GABBR2: variants seen among roughly 807,000 people sequenced by gnomAD.
GABBR2 encodes G-protein coupled receptor 51.
GABBR2 carries 23 observed loss-of-function variants against 105.6 expected under a neutral mutation model. That is an observed-to-expected ratio of 0.22 (90% CI 0.16 to 0.31). The LOEUF (loss-of-function observed/expected upper bound fraction) is 0.31, where lower values mean the gene tolerates loss of function less well. GABBR2 is among the 10% of genes least tolerant of loss of function. GABBR2 has a pLI of 1.00. For missense variants in GABBR2, 734 were observed against 1,245.5 expected, an observed-to-expected ratio of 0.59 and a Z score of 6.18; for synonymous variants, 478 against 499.7, an observed-to-expected ratio of 0.96 and a Z score of 0.58.
intron 1 of GABBR2, among the ~76,000 whole-genome samples, chr9:98,623,839 G>A (rs1829700715): frequency 6.6e-6 from 1 of 152,188 alleles, no homozygotes; most frequent in African/African-American, 2.4e-5. Context: ...TATGTAGAAA[G>A]TAAGATAGCC....
intron 4 of GABBR2, among the ~76,000 whole-genome samples, chr9:98,487,140 C>T (rs780888778): frequency 1.3e-5 from 2 of 152,148 alleles, no homozygotes; most frequent in African/African-American, 2.4e-5. Context: ...ATATCTATGT[C>T]GTAAGTTAAA....
At chr9:98,588,136 C>T (rs1829101091) in intron 1 of GABBR2, among the ~76,000 whole-genome samples, 1 of 152,196 alleles carries the variant, frequency 6.6e-6, no homozygotes. Context: ...TTCTCAATCA[C>T]TGAAGTTTCC....
At chr9:98,402,848 C>T (rs1832418347) in intron 8 of GABBR2, among the ~76,000 whole-genome samples, 1 of 152,154 alleles carries the variant, frequency 6.6e-6, no homozygotes, top group South Asian at 2.1e-4. Flanking sequence ...TTCAATAATC[C>T]ATCCTGGTAG....
At chr9:98,449,053 A>G (rs1451117798) in intron 7 of GABBR2, among the ~76,000 whole-genome samples, 1 of 152,240 alleles carries the variant, frequency 6.6e-6, no homozygotes, top group Non-Finnish European at 1.5e-5. Context: ...TGATTAGGAA[A>G]GCCAAATGAA....
intron 2 of GABBR2, among the ~76,000 whole-genome samples, chr9:98,563,580 C>A (rs118175966): frequency 3.3e-5 from 5 of 152,152 alleles, no homozygotes; most frequent in Non-Finnish European, 7.4e-5. Flanking sequence ...GAAGACACCC[C>A]GGATGTGAAG....
intron 17 of GABBR2, among the ~76,000 whole-genome samples, chr9:98,297,294 T>C (rs1465034132): frequency 6.6e-6 from 1 of 152,240 alleles, no homozygotes; most frequent in East Asian, 1.9e-4. Flanking sequence ...GCTACTGTAA[T>C]AAGACCACTT....
chr9:98,699,374 C>A (rs961911656), intron 1 of GABBR2, among the ~76,000 whole-genome samples: 5 of 151,948 alleles, frequency 3.3e-5, no homozygotes, highest in African/African-American at 9.7e-5. Context: ...AACTACAGAG[C>A]CCCCAAAAGC....
At chr9:98,585,479 C>T (rs1480173750) in intron 1 of GABBR2, among the ~76,000 whole-genome samples, 37 of 122,768 alleles carry the variant, frequency 3.0e-4, no homozygotes, top group African/African-American at 9.2e-4. Flanking sequence ...CATCACACAC[C>T]GGGGACTGGC....
intron 13 of GABBR2, among the ~76,000 whole-genome samples, chr9:98,317,121 G>T (rs531812956): frequency 6.6e-6 from 1 of 152,352 alleles, no homozygotes; most frequent in African/African-American, 2.4e-5. Context: ...GAGCTTTAGG[G>T]TGAAGGCTGC....
intron 11 of GABBR2, among the ~76,000 whole-genome samples, chr9:98,380,548 A>T (rs999563086): frequency 6.6e-6 from 1 of 152,248 alleles, no homozygotes; most frequent in African/African-American, 2.4e-5. Context: ...GGCCACGCCC[A>T]GCACTGTCCT....
At chr9:98,413,414 T>C (rs977399041) in intron 7 of GABBR2, among the ~76,000 whole-genome samples, 1 of 152,168 alleles carries the variant, frequency 6.6e-6, no homozygotes. Context: ...TAATTGAGTA[T>C]ATCCACCCAC....
intron 5 of GABBR2, among the ~76,000 whole-genome samples, chr9:98,473,751 C>T (rs1826734322): frequency 6.6e-6 from 1 of 152,082 alleles, no homozygotes; most frequent in Admixed American, 6.5e-5. Context: ...GAAAACATAC[C>T]AGATCTTTGG....
intron 1 of GABBR2, among the ~76,000 whole-genome samples, chr9:98,668,311 G>T (rs9299312): frequency 0.93 from 141,242 of 152,234 alleles, 65,645 homozygotes; most frequent in Middle Eastern, 0.97. Flanking sequence ...TCTTTGTTTT[G>T]GTGGCTGCTG....
At chr9:98,417,158 T>C (rs911647313) in intron 7 of GABBR2, among the ~76,000 whole-genome samples, 1 of 152,202 alleles carries the variant, frequency 6.6e-6, no homozygotes, top group East Asian at 1.9e-4. Flanking sequence ...ATTGGTTACG[T>C]TGCACTGAGT....
chr9:98,420,778 G>T (rs1832769485), intron 7 of GABBR2, among the ~76,000 whole-genome samples: 1 of 152,180 alleles, frequency 6.6e-6, no homozygotes, highest in Non-Finnish European at 1.5e-5. Flanking sequence ...TGGTGAGAGT[G>T]TACCAGGAAG....
At chr9:98,667,079 G>T (rs899630856) in intron 1 of GABBR2, among the ~76,000 whole-genome samples, 1 of 152,142 alleles carries the variant, frequency 6.6e-6, no homozygotes, top group Non-Finnish European at 1.5e-5. Context: ...AGGGGCTCAG[G>T]GTCCTCAGGA....
At chr9:98,346,992 T>C (rs1831313788) in intron 13 of GABBR2, among the ~76,000 whole-genome samples, 1 of 152,202 alleles carries the variant, frequency 6.6e-6, no homozygotes, top group Admixed American at 6.5e-5. Flanking sequence ...TTGATGGACA[T>C]TGAGGTTGAT....
At chr9:98,318,412 C>A (rs542208315) in intron 13 of GABBR2, among the ~76,000 whole-genome samples, 1 of 152,178 alleles carries the variant, frequency 6.6e-6, no homozygotes, top group Admixed American at 6.5e-5. Context: ...GATGACTTAG[C>A]GCAAGGCCAG....
intron 3 of GABBR2, among the ~76,000 whole-genome samples, chr9:98,507,692 C>A (rs970350234): frequency 4.6e-5 from 7 of 152,222 alleles, no homozygotes; most frequent in Admixed American, 4.6e-4. Context: ...GAAGCCTTCC[C>A]TTGTTCCCAG....
Sources: gnomAD v4.1 joint callset for allele counts (sites outside exome capture counted in the v4.1 genomes callset) on GRCh38, gnomAD v4.1.1 for gene constraint, MANE v1.5 for transcripts, NCBI Gene and HGNC (gene_info 2026-07-23, HGNC 2026-07-21) for gene names.